The following METTL21C variants were observed in gnomAD, a reference collection of about 807,000 sequenced individuals.
METTL21C encodes the protein protein-lysine methyltransferase METTL21C.
Under a neutral mutation model 25.9 loss-of-function variants are expected in METTL21C, and 21 were observed. That is an observed-to-expected ratio of 0.81 (90% CI 0.58 to 1.17). The LOEUF (loss-of-function observed/expected upper bound fraction) is 1.17, where lower values mean the gene tolerates loss of function less well. Ranked by LOEUF, METTL21C falls within the 50% of genes most tolerant of loss-of-function variation. The pLI, the probability that METTL21C is intolerant of heterozygous loss-of-function variation, is 0.00. For synonymous variants in METTL21C, 125 were observed against 124.7 expected, an observed-to-expected ratio of 1.00 and a Z score of -0.01; for missense variants, 312 against 315.1, an observed-to-expected ratio of 0.99 and a Z score of 0.07.
At position 102,694,468 on chromosome 13, in the gene METTL21C, G is replaced by GCT. The variant is rs1383727138; in HGVS notation, c.29_30dup (p.Pro11SerfsTer16). On this transcript the variant is annotated frameshift_variant, in exon 1 of 4. Transcript: ENST00000267273. LOFTEE classifies it high-confidence loss of function. Reference sequence around the variant, plus strand: ...CTGAGTCCTTCCCCCCGGCGCCCAGGCTGCTGCGCGGAGCTCAGACACACG... The same window carrying GCT: ...CTGAGTCCTTCCCCCCGGCGCCCAGGCTCTGCTGCGCGGAGCTCAGACACACG... 1 of 1,605,246 alleles carries GCT rather than the reference G, an allele frequency of 6.2e-7. No individual in the cohort carries two copies. Among genetic ancestry groups the GCT allele is most frequent in the Admixed American group, 1.7e-5 (1 of 59,480 alleles).
upstream of METTL21C, among the ~76,000 whole-genome samples, chr13:102,699,018 G>A (rs577575144): frequency 4.6e-4 from 70 of 152,218 alleles, no homozygotes; most frequent in Admixed American, 4.1e-3. Flanking sequence ...AAAAGATTCC[G>A]AGTGCTCTTA....
In METTL21C at chr13:102,686,138, C is replaced by A. The variant is rs781306835; in HGVS notation, c.688G>T (p.Asp230Tyr). ...LWANKFRFST[D>Y]YEFLDKFKQV... ...TTGAATTTATCTAAAAATTCATAGT[C>A]GGTGCTGAACCTGAATTTGTTTGCC... is the stretch of plus-strand genomic sequence containing the variant. Residue 230 changes from aspartate (D) to tyrosine (Y), a missense_variant, in exon 4 of 4, where the codon GAC becomes TAC. By Grantham distance (160) the Asp-to-Tyr change is radical. Transcript: ENST00000267273. 2 of 1,613,946 alleles carry A rather than the reference C, an allele frequency of 1.2e-6. No individual in the cohort carries two copies. Among genetic ancestry groups the A allele is most frequent in the African/African-American group, 2.7e-5 (2 of 74,930 alleles).
intron 2 of METTL21C, 130 bp downstream of exon 2, chr13:102,690,683 G>T: frequency 1.9e-6 from 2 of 1,038,016 alleles, no homozygotes; most frequent in Admixed American, 2.8e-5. Flanking sequence ...ACCCTCCAGG[G>T]GGCAAGCAAC....
the METTL21C span, among the ~76,000 whole-genome samples, chr13:102,704,287 C>G: frequency 3.7e-4 from 57 of 152,228 alleles, no homozygotes; most frequent in Admixed American, 6.5e-4. Context: ...TTCAAGTTGA[C>G]AGGGTCAAGT....
intron 1 of METTL21C, 145 bp from the exon 2 acceptor site, chr13:102,691,109 A>T (rs9518811): frequency 0.094 from 81,509 of 866,916 alleles, 4,941 homozygotes; most frequent in East Asian, 0.23. Flanking sequence ...AACGGCTGCA[A>T]ATTGGCACAA....
At chr13:102,689,805 A>T (rs1377986428) in intron 2 of METTL21C, among the ~76,000 whole-genome samples, 1 of 152,220 alleles carries the variant, frequency 6.6e-6, no homozygotes, top group Non-Finnish European at 1.5e-5. Flanking sequence ...ATATTACATT[A>T]ATGAGGACAG....
upstream of METTL21C, among the ~76,000 whole-genome samples, chr13:102,696,162 ACCTAGCAT>A (rs1469046854): frequency 1.3e-5 from 2 of 152,124 alleles, no homozygotes; most frequent in African/African-American, 4.8e-5. Context: ...TACCTCTTTA[ACCTAGCAT>A]CCTATTAAGA....
chr13:102,687,882 A>G (rs1885717107), intron 2 of METTL21C, among the ~76,000 whole-genome samples: 1 of 151,932 alleles, frequency 6.6e-6, no homozygotes, highest in South Asian at 2.1e-4. Context: ...TTCTCCCTCC[A>G]CCTTCCTCTA....
chr13:102,692,618 G>T (rs1373353264), intron 1 of METTL21C, among the ~76,000 whole-genome samples: 1 of 152,074 alleles, frequency 6.6e-6, no homozygotes, highest in African/African-American at 2.4e-5. Context: ...TAGCATCATG[G>T]GTGCCTTCAG....
At chr13:102,704,270 C>T in the METTL21C span, among the ~76,000 whole-genome samples, 3 of 152,108 alleles carry the variant, frequency 2.0e-5, no homozygotes, top group East Asian at 1.9e-4. Flanking sequence ...CTAATTCTTT[C>T]GATTATTTCA....
At chr13:102,701,405 AC>A in the METTL21C span, among the ~76,000 whole-genome samples, 1 of 152,124 alleles carries the variant, frequency 6.6e-6, no homozygotes, top group Non-Finnish European at 1.5e-5. Flanking sequence ...ATCTGCTTCT[AC>A]CCCATTCTCT....
chr13:102,689,036 T>G (rs1461160934), intron 2 of METTL21C, among the ~76,000 whole-genome samples: 1 of 152,208 alleles, frequency 6.6e-6, no homozygotes, highest in Non-Finnish European at 1.5e-5. Flanking sequence ...AGTGATACCT[T>G]GTTCAGAATA....
At chr13:102,693,167 G>A (rs922850025) in intron 1 of METTL21C, among the ~76,000 whole-genome samples, 18 of 152,074 alleles carry the variant, frequency 1.2e-4, no homozygotes, top group Admixed American at 6.5e-5. Context: ...CCACAGACAC[G>A]ATTAACCTCG....
At chr13:102,692,307 G>A (rs7990491) in intron 1 of METTL21C, among the ~76,000 whole-genome samples, 1,605 of 152,212 alleles carry the variant, frequency 0.011, 30 homozygotes, top group African/African-American at 0.036. Context: ...CAGGGCCTCC[G>A]GGTGTTTCAG....
At chr13:102,691,076 G>C in intron 1 of METTL21C, 112 bp from the exon 2 acceptor site, 1 of 1,214,804 alleles carries the variant, frequency 8.2e-7, no homozygotes, top group Admixed American at 2.1e-5. Context: ...TACATAAAGA[G>C]AAGGGATGAT....
rs757616388 is a variant in METTL21C at position 102,686,121 on chromosome 13, A to C, written c.705T>G (p.Asp235Glu). ...TTGTGTCAAAAACTTGCTTGAATTT[A>C]TCTAAAAATTCATAGTCGGTGCTGA... The part of the protein sequence containing the change: ...FRFSTDYEFL[D>E]KFKQVFDTTL... The change falls in exon 4 of 4, where the codon GAT becomes GAG. Residue 235 changes from aspartate (D) to glutamate (E), a missense_variant. By Grantham distance (45) the Asp-to-Glu change is conservative (BLOSUM62 2). Transcript: ENST00000267273. 1.2e-6 allele frequency: 2 copies of C among 1,614,094 alleles called. No individual in the cohort carries two copies. Among genetic ancestry groups the C allele is most frequent in the South Asian group, 2.2e-5 (2 of 91,074 alleles).
Position 102,690,902 on chromosome 13 carries a change from T to C in METTL21C, c.193A>G (p.Ser65Gly). The C allele has an allele frequency of 6.2e-7, 1 of 1,614,150 alleles. No individual in the cohort carries two copies. The highest frequency in any genetic ancestry group is 8.5e-7 in the Non-Finnish European group (1 of 1,180,012). The change falls in exon 2 of 4, where the codon AGC becomes GGC. Residue 65 changes from serine (S) to glycine (G), a missense_variant. Ser to Gly is a moderately conservative substitution (Grantham distance 56). Transcript: ENST00000267273. ...AACCGATAATGCTCCTGAGTGTAGCTGGCGTAATCTGTAGGAACAAATTTC... is the reference window on the plus strand; with the variant it reads ...AACCGATAATGCTCCTGAGTGTAGCCGGCGTAATCTGTAGGAACAAATTTC... ...LQKFVPTDYA[S>G]YTQEHYRFAG... is the part of the protein sequence containing the mutation.
the METTL21C span, among the ~76,000 whole-genome samples, chr13:102,703,602 G>A: frequency 6.1e-4 from 93 of 152,334 alleles, no homozygotes; most frequent in African/African-American, 2.1e-3. Flanking sequence ...AGCGACGCTC[G>A]TTACAGCACA....
Position 102,690,863 on chromosome 13 carries a change from T to C in METTL21C, c.232A>G (p.Ile78Val). Residue 78 changes from isoleucine (I) to valine (V), a missense_variant, in exon 2 of 4, where the codon ATT (isoleucine) becomes GTT (valine). Physicochemically the swap from Ile to Val is conservative, Grantham distance 29. Transcript: ENST00000267273. ...CTCTCTATGGATTCCTGGATGACAA[T>C]CTCCTTTCCTGCAAACCGATAATGC... ...QEHYRFAGKE[I>V]VIQESIESYG... 1 of 1,614,100 alleles carries C rather than the reference T, an allele frequency of 6.2e-7. No homozygotes were observed. Among genetic ancestry groups the C allele is most frequent in the Non-Finnish European group, 8.5e-7 (1 of 1,180,020 alleles).
Sources: allele counts gnomAD v4.1 joint callset (sites outside exome capture counted in the v4.1 genomes callset), GRCh38; gene constraint gnomAD v4.1.1; transcripts MANE v1.5; gene names NCBI Gene and HGNC (gene_info 2026-07-23, HGNC 2026-07-21).